Variants in FHIT observed in about 807,000 individuals in gnomAD.
The protein encoded by FHIT is bis(5'-adenosyl)-triphosphatase.
A neutral mutation model predicts 17.9 loss-of-function variants in FHIT; 19 were observed. The observed-to-expected ratio is 1.06, with a 90% CI of 0.74 to 1.56. The LOEUF (loss-of-function observed/expected upper bound fraction) is 1.56. FHIT is among the 40% of genes most tolerant of loss of function. The pLI, the probability that FHIT is intolerant of heterozygous loss-of-function variation, is 0.00. For synonymous variants in FHIT, 81 were observed against 69.7 expected (o/e 1.16, Z -0.81); for missense variants, 248 against 189.2 (o/e 1.31, Z -1.82).
At chr3:60,768,841 A>C (rs2108069823) in intron 4 of FHIT, among the ~76,000 whole-genome samples, 1 of 152,318 alleles carries the variant, frequency 6.6e-6, no homozygotes, top group South Asian at 2.1e-4. Context: ...TGATTAATAT[A>C]CCAATCCTGA....
chr3:60,029,407 A>T (rs554306648), intron 5 of FHIT, among the ~76,000 whole-genome samples: 3 of 152,322 alleles, frequency 2.0e-5, no homozygotes, highest in African/African-American at 7.2e-5. Context: ...TGTGCCAAGA[A>T]CTAGTGTCAT....
chr3:60,169,997 C>T (rs987209578), intron 5 of FHIT, among the ~76,000 whole-genome samples: 3 of 152,154 alleles, frequency 2.0e-5, no homozygotes, highest in African/African-American at 7.2e-5. Context: ...TTCGATGATC[C>T]AGCATTCCTC....
chr3:61,135,726 T>C (rs2036898437), intron 2 of FHIT, among the ~76,000 whole-genome samples: 1 of 152,214 alleles, frequency 6.6e-6, no homozygotes, highest in Non-Finnish European at 1.5e-5. Context: ...ACTTCTAGAC[T>C]CTTTAATGAA....
intron 4 of FHIT, among the ~76,000 whole-genome samples, chr3:60,706,126 A>G (rs1342384740): frequency 1.3e-5 from 2 of 152,062 alleles, no homozygotes; most frequent in Non-Finnish European, 2.9e-5. Flanking sequence ...CATCATTCTC[A>G]GGAAACTAAC....
chr3:60,446,045 A>C (rs1312806099), intron 5 of FHIT, among the ~76,000 whole-genome samples: 1 of 152,144 alleles, frequency 6.6e-6, no homozygotes, highest in African/African-American at 2.4e-5. Flanking sequence ...TGGAAACTGA[A>C]ATGCCTACAG....
intron 8 of FHIT, among the ~76,000 whole-genome samples, chr3:59,878,447 C>G (rs1703259695): frequency 6.6e-6 from 1 of 152,148 alleles, no homozygotes; most frequent in South Asian, 2.1e-4. Flanking sequence ...TGGGCTCTAA[C>G]TAACAGCTGT....
At chr3:60,622,979 G>A (rs1270110263) in intron 4 of FHIT, among the ~76,000 whole-genome samples, 1 of 152,160 alleles carries the variant, frequency 6.6e-6, no homozygotes. Context: ...AGATGCTGCT[G>A]TTGACAGTCG....
chr3:60,718,842 A>G (rs1442991645), intron 4 of FHIT, among the ~76,000 whole-genome samples: 3 of 152,210 alleles, frequency 2.0e-5, no homozygotes, highest in African/African-American at 7.2e-5. Flanking sequence ...CTTCTGTACT[A>G]ATGTGCATTA....
At chr3:60,121,383 G>A (rs1382715817) in intron 5 of FHIT, among the ~76,000 whole-genome samples, 4 of 152,076 alleles carry the variant, frequency 2.6e-5, no homozygotes, top group African/African-American at 9.7e-5. Flanking sequence ...GTCAACTGCA[G>A]TTTGAAAATA....
At chr3:60,679,249 C>T (rs2040692143) in intron 4 of FHIT, among the ~76,000 whole-genome samples, 1 of 152,024 alleles carries the variant, frequency 6.6e-6, no homozygotes, top group South Asian at 2.1e-4. Flanking sequence ...AGAATCCGTC[C>T]AACTGGACAA....
chr3:60,934,017 G>C (rs147788965), intron 3 of FHIT, among the ~76,000 whole-genome samples: 2,959 of 152,238 alleles, frequency 0.019, 56 homozygotes, highest in Middle Eastern at 0.088. Context: ...TTAATTTGAG[G>C]TTAATTAAAT....
Position 60,952,172 on chromosome 3 carries a change from C to G in FHIT, c.-111+89875G>C, listed in dbSNP as rs12330305. 3.6e-5 allele frequency among the ~76,000 whole-genome samples: 5 copies of G among 137,402 alleles called. 1 individual carries two copies. The highest frequency in any genetic ancestry group is 2.0e-4 in the East Asian group (1 of 5,084). The allele number at this position is 137,402 out of a possible 152,430, so 90.1% of individuals were successfully genotyped here. On this transcript the variant is annotated intron_variant, in intron 3 of 9. Transcript: ENST00000492590. ...AGAGCAAAACTCCGTCCTCCCCACC[C>G]CCCCCCCAAAAAAAAAAAAGAGATT... is the stretch of plus-strand genomic sequence containing the variant.
chr3:60,475,368 T>C (rs1375537870), intron 5 of FHIT, among the ~76,000 whole-genome samples: 1 of 152,222 alleles, frequency 6.6e-6, no homozygotes, highest in South Asian at 2.1e-4. Context: ...TATTCAATCA[T>C]TTATTTAAGT....
chr3:60,518,780 A>G (rs2035251938), intron 5 of FHIT, among the ~76,000 whole-genome samples: 1 of 152,190 alleles, frequency 6.6e-6, no homozygotes. Flanking sequence ...AGGCAGAGGC[A>G]GGCAGATTGC....
intron 1 of FHIT, among the ~76,000 whole-genome samples, chr3:61,213,690 C>A (rs944213003): frequency 6.6e-6 from 1 of 152,212 alleles, no homozygotes; most frequent in Non-Finnish European, 1.5e-5. Flanking sequence ...CATCCCAAAA[C>A]AACAGAACAT....
At chr3:59,855,507 G>C (rs1351480241) in intron 8 of FHIT, among the ~76,000 whole-genome samples, 1 of 151,958 alleles carries the variant, frequency 6.6e-6, no homozygotes, top group Non-Finnish European at 1.5e-5. Context: ...TCCCCCACTT[G>C]ATATTTTACT....
In FHIT at chr3:61,240,581, T is replaced by C. The variant is rs527457869; in HGVS notation, c.-213+10720A>G. 7.2e-5 allele frequency among the ~76,000 whole-genome samples: 11 copies of C among 152,338 alleles called. No individual in the cohort carries two copies. In the East Asian group the frequency reaches 2.1e-3, roughly 29 times the overall value. On this transcript the variant is annotated intron_variant, in intron 1 of 9. Transcript: ENST00000492590. The stretch of plus-strand genomic sequence containing the variant: ...TCAATCTGCTGTAAATTTTGAGGTA[T>C]TATGGGCAAATAGATATATTTCAGC...
intron 8 of FHIT, among the ~76,000 whole-genome samples, chr3:59,845,784 A>G (rs899165230): frequency 2.0e-5 from 3 of 152,122 alleles, no homozygotes; most frequent in Admixed American, 6.5e-5. Flanking sequence ...TATCTGTTAG[A>G]TCCAGCTGGT....
chr3:60,690,459 G>A lies in FHIT; in HGVS notation c.-18+131460C>T, dbSNP rs1374457389. 19 of 575,244 alleles carry A rather than the reference G, an allele frequency of 3.3e-5. No homozygotes were observed. The Admixed American group carries it at 3.6e-4, about 11-fold the overall frequency. 35.6% of individuals were successfully genotyped at this position (575,244 alleles called of 1,614,324 possible). A position where few individuals can be genotyped will look rare whatever the true frequency, so the allele number is the denominator to read the frequency against. ...CAGGACCTGTATGCTTCAGGATGAA[G>A]TTCTCGTCATCAAATTTCTCCCTGT... On this transcript the variant is annotated intron_variant, in intron 4 of 9. Transcript: ENST00000492590.
Sources: gnomAD v4.1 joint callset for allele counts (sites outside exome capture counted in the v4.1 genomes callset) on GRCh38, gnomAD v4.1.1 for gene constraint, MANE v1.5 for transcripts, NCBI Gene and HGNC (gene_info 2026-07-23, HGNC 2026-07-21) for gene names.